The following SETD2 variants were observed in gnomAD, a reference collection of about 807,000 sequenced individuals.
SETD2 encodes histone-lysine N-methyltransferase SETD2.
Under a neutral mutation model 242.1 loss-of-function variants are expected in SETD2, and 31 were observed. The observed-to-expected ratio is 0.13, with a 90% CI of 0.10 to 0.17. SETD2 has a LOEUF of 0.17. Ranked by LOEUF, SETD2 falls within the 10% of genes least tolerant of loss-of-function variation. SETD2 has a pLI of 1.00. For synonymous variants in SETD2, 1,006 were observed against 1,066.5 expected (o/e 0.94, Z 1.11); for missense variants, 2,481 against 3,046.3 (o/e 0.81, Z 4.37).
intron 1 of SETD2, among the ~76,000 whole-genome samples, chr3:47,141,432 C>A (rs1353084272): frequency 6.6e-6 from 1 of 152,094 alleles, no homozygotes; most frequent in South Asian, 2.1e-4. Context: ...CAAGTTACAG[C>A]CTTTCATGCA....
chr3:47,155,674 T>C (rs1393208302), intron 1 of SETD2, among the ~76,000 whole-genome samples: 1 of 152,114 alleles, frequency 6.6e-6, no homozygotes, highest in Non-Finnish European at 1.5e-5. Context: ...GGTGTGGTAG[T>C]GTGCACCTGT....
chr3:47,023,471 G>A (rs1305114511), intron 18 of SETD2, among the ~76,000 whole-genome samples: 1 of 152,124 alleles, frequency 6.6e-6, no homozygotes, highest in Non-Finnish European at 1.5e-5. Context: ...ATCTTTTGTG[G>A]CAGCATGAAT....
chr3:47,159,747 C>A (rs1697432297), intron 1 of SETD2, among the ~76,000 whole-genome samples: 1 of 152,130 alleles, frequency 6.6e-6, no homozygotes, highest in Admixed American at 6.6e-5. Context: ...GAGGCCAAGG[C>A]AGGTGGATCA....
intron 16 of SETD2, among the ~76,000 whole-genome samples, 162 bp downstream of exon 16, chr3:47,046,325 A>C (rs1241184204): frequency 6.6e-6 from 1 of 150,982 alleles, no homozygotes; most frequent in Non-Finnish European, 1.5e-5. Context: ...TGACAGAGCG[A>C]GACTCTGTCT....
chr3:47,040,941 C>G (rs1306977589), intron 17 of SETD2, among the ~76,000 whole-genome samples: 1 of 152,080 alleles, frequency 6.6e-6, no homozygotes, highest in Non-Finnish European at 1.5e-5. Context: ...TAATGGTAAG[C>G]TGACAATATT....
chr3:47,116,449 T>C (rs1476952885), intron 4 of SETD2, among the ~76,000 whole-genome samples, 174 bp downstream of exon 4: 2 of 152,198 alleles, frequency 1.3e-5, no homozygotes, highest in African/African-American at 2.4e-5. Flanking sequence ...CAAGGGATAT[T>C]TGTTTCCCTA....
At chr3:47,042,447 A>C (rs1482600298) in intron 17 of SETD2, 114 bp downstream of exon 17, 20 of 982,102 alleles carry the variant, frequency 2.0e-5, no homozygotes, top group Non-Finnish European at 2.7e-5. Context: ...GCAGCCTTCA[A>C]GCACAGTGAA....
At chr3:47,040,300 G>A (rs1394107438) in intron 17 of SETD2, among the ~76,000 whole-genome samples, 1 of 152,088 alleles carries the variant, frequency 6.6e-6, no homozygotes, top group African/African-American at 2.4e-5. Flanking sequence ...TTTAATGCGA[G>A]TAAGGAAGGC....
intron 11 of SETD2, among the ~76,000 whole-genome samples, chr3:47,085,722 TCCA>T (rs1559703591): frequency 6.6e-6 from 1 of 152,264 alleles, no homozygotes; most frequent in Non-Finnish European, 1.5e-5. Context: ...ACATCGTAAC[TCCA>T]CTAATAATGC....
At chr3:47,082,722 G>C (rs2041369030) in intron 12 of SETD2, among the ~76,000 whole-genome samples, 1 of 152,058 alleles carries the variant, frequency 6.6e-6, no homozygotes, top group African/African-American at 2.4e-5. Flanking sequence ...CTTAAAGAAG[G>C]GTCTCAACAC....
At chr3:47,107,872 T>C (rs1036940851) in intron 5 of SETD2, among the ~76,000 whole-genome samples, 1 of 151,968 alleles carries the variant, frequency 6.6e-6, no homozygotes, top group Non-Finnish European at 1.5e-5. Flanking sequence ...ACTACACCAG[T>C]TGAAAGCCTG....
intron 12 of SETD2, among the ~76,000 whole-genome samples, chr3:47,073,457 G>C (rs2040916327): frequency 6.6e-6 from 1 of 152,142 alleles, no homozygotes; most frequent in Non-Finnish European, 1.5e-5. Flanking sequence ...AGCGCAAGTA[G>C]GTCAAAGAGA....
At chr3:47,145,059 C>T (rs192254244) in intron 1 of SETD2, among the ~76,000 whole-genome samples, 2 of 152,232 alleles carry the variant, frequency 1.3e-5, no homozygotes, top group South Asian at 2.1e-4. Flanking sequence ...AGTTAAAGTA[C>T]GCAGCTGGTT....
chr3:47,076,633 C>A (rs2041090611), intron 12 of SETD2, among the ~76,000 whole-genome samples: 1 of 152,086 alleles, frequency 6.6e-6, no homozygotes, highest in African/African-American at 2.4e-5. Flanking sequence ...AGCATCTACA[C>A]AAGAAGTTTT....
At position 47,017,265 on chromosome 3, in the gene SETD2, C is replaced by T. The variant is rs753191399; in HGVS notation, c.7534-11G>A. ...AACACCGTGAGTCAGCTGTCCAGGG[C>T]ACAGGAAGAGAGACCACAGCCACCA... On this transcript the variant is annotated splice_polypyrimidine_tract_variant and intron_variant, in intron 20 of 20. Coordinates refer to ENST00000409792, the MANE Select transcript of SETD2 (RefSeq NM_014159.7). This position sits in a 1 kb window ranked among gnomAD's most constrained non-coding sequence, Gnocchi z 4.8. 1.9e-6 allele frequency: 3 copies of T among 1,613,650 alleles called. No individual in the cohort carries two copies. The South Asian group carries it at 3.3e-5, about 18-fold the overall frequency.
intron 15 of SETD2, among the ~76,000 whole-genome samples, chr3:47,051,164 G>A (rs959201029): frequency 6.6e-6 from 1 of 151,726 alleles, no homozygotes; most frequent in African/African-American, 2.4e-5. Context: ...GAACGCAGTG[G>A]TGCCATCAAG....
In SETD2 at chr3:47,030,912, A is replaced by G. The variant is rs557333532; in HGVS notation, c.7350+6754T>C. ...GCGGCGCACTCAGACATTCAGTGCT[A>G]AAACGAAATGAGCTATCAGGCCATG... On this transcript the variant is annotated intron_variant, in intron 18 of 20. Coordinates refer to ENST00000409792, the MANE Select transcript of SETD2 (RefSeq NM_014159.7). Among the ~76,000 whole-genome samples the G allele has an allele frequency of 3.3e-5, 5 of 152,354 alleles. No individual in the cohort carries two copies. In the South Asian group the frequency reaches 8.3e-4, roughly 25 times the overall value.
At position 47,057,138 on chromosome 3, in the gene SETD2, G is replaced by T. The variant is rs774347385; in HGVS notation, c.6646C>A (p.Pro2216Thr). The change falls in exon 15 of 21, where the codon CCC becomes ACC. Residue 2216 changes from proline (P) to threonine (T), a missense_variant. Physicochemically the swap from Pro to Thr is conservative, Grantham distance 38. Coordinates refer to ENST00000409792, the MANE Select transcript of SETD2 (RefSeq NM_014159.7). ...GGTACTGGTGGAGGGGCAGAAAGGG[G>T]TTCTGTAGAATGTCCCACCAAGGGC... ...AQPLVGHSTE[P>T]LSAPPPVPVV... 9 of 1,614,032 alleles carry T rather than the reference G, an allele frequency of 5.6e-6. No individual in the cohort carries two copies. The highest frequency in any genetic ancestry group is 3.4e-6 in the Non-Finnish European group (4 of 1,180,000).
intron 18 of SETD2, among the ~76,000 whole-genome samples, chr3:47,033,429 C>T (rs2038864093): frequency 6.6e-6 from 1 of 152,088 alleles, no homozygotes; most frequent in African/African-American, 2.4e-5. Context: ...TGCAGGACTG[C>T]CAGTGTAGGC....
Sources: allele counts gnomAD v4.1 joint callset (sites outside exome capture counted in the v4.1 genomes callset), GRCh38; gene constraint gnomAD v4.1.1; non-coding constraint Gnocchi (gnomAD v3.1); transcripts MANE v1.5; gene names NCBI Gene and HGNC (gene_info 2026-07-23, HGNC 2026-07-21).